Variants in SPAG16 observed in about 807,000 individuals in gnomAD.
SPAG16 encodes the protein sperm associated antigen 16, also known as sperm-associated antigen 16 protein.
In SPAG16, 86 loss-of-function variants were observed where a neutral mutation model predicts 80.4. The ratio of observed to expected loss-of-function variants is 1.07; its 90% CI spans 0.90 to 1.28. The LOEUF (loss-of-function observed/expected upper bound fraction) is 1.28, where lower values mean the gene tolerates loss of function less well. Among genes scored for constraint, SPAG16 ranks in the 50% most tolerant of loss-of-function variants. The probability of loss-of-function intolerance (pLI) is 0.00; values close to 1 mark genes in which losing one functional copy is unlikely to be tolerated. For synonymous variants in SPAG16, 294 were observed against 265.9 expected, an observed-to-expected ratio of 1.11 and a Z score of -1.03; for missense variants, 870 against 765.3, an observed-to-expected ratio of 1.14 and a Z score of -1.61.
intron 5 of SPAG16, among the ~76,000 whole-genome samples, chr2:213,335,843 T>G (rs2064330099): frequency 6.6e-6 from 1 of 151,614 alleles, no homozygotes; most frequent in Admixed American, 6.6e-5. Context: ...ACAGTAGAGG[T>G]CATTTTTAAA....
intron 10 of SPAG16, among the ~76,000 whole-genome samples, chr2:213,677,114 A>G (rs2064123625): frequency 6.6e-6 from 1 of 151,858 alleles, no homozygotes; most frequent in Non-Finnish European, 1.5e-5. Context: ...GTCTTGGGAG[A>G]GTGTATGTGT....
At chr2:214,004,601 C>A (rs965490878) in intron 12 of SPAG16, among the ~76,000 whole-genome samples, 26 of 151,978 alleles carry the variant, frequency 1.7e-4, no homozygotes, top group African/African-American at 6.3e-4. Flanking sequence ...GTAGTCGATT[C>A]TTTTGGCAGC....
intron 15 of SPAG16, among the ~76,000 whole-genome samples, chr2:214,384,981 CACCATTGACA>C (rs1186014708): frequency 6.6e-6 from 1 of 152,196 alleles, no homozygotes; most frequent in Admixed American, 6.5e-5. Flanking sequence ...ATTATATTTT[CACCATTGACA>C]ACCAGAGACA....
intron 5 of SPAG16, among the ~76,000 whole-genome samples, chr2:213,326,810 A>G (rs1320403817): frequency 6.6e-6 from 1 of 152,028 alleles, no homozygotes; most frequent in Non-Finnish European, 1.5e-5. Context: ...TTATTAAATG[A>G]TCATTCAAAA....
At chr2:213,503,053 T>G (rs1446047494) in intron 10 of SPAG16, among the ~76,000 whole-genome samples, 1 of 152,214 alleles carries the variant, frequency 6.6e-6, no homozygotes, top group Non-Finnish European at 1.5e-5. Flanking sequence ...ACATTTACCC[T>G]TGATTCCCAT....
In SPAG16 at chr2:214,104,821, C is replaced by A. The variant is rs989653227; in HGVS notation, c.1528-3375C>A. Among the ~76,000 whole-genome samples the A allele has an allele frequency of 2.6e-5, 4 of 151,900 alleles. No homozygotes were observed. In the East Asian group the frequency reaches 7.7e-4, roughly 29 times the overall value. ...AGTTTAATGTTTACAGAGGTATGGG[C>A]GGCATTAAGGGAGCTAGCACAGCAG... On this transcript the variant is annotated intron_variant, in intron 13 of 15. Transcript: ENST00000331683.
At chr2:213,300,117 A>G (rs1260361499) in intron 3 of SPAG16, among the ~76,000 whole-genome samples, 2 of 152,124 alleles carry the variant, frequency 1.3e-5, no homozygotes, top group African/African-American at 2.4e-5. Flanking sequence ...TACTGCTGTA[A>G]TTACGTAATG....
chr2:213,985,373 G>T (rs2045952448), intron 12 of SPAG16, among the ~76,000 whole-genome samples: 1 of 151,994 alleles, frequency 6.6e-6, no homozygotes, highest in Admixed American at 6.6e-5. Flanking sequence ...TATTTTTGAT[G>T]ATACTGAGGA....
intron 12 of SPAG16, among the ~76,000 whole-genome samples, chr2:213,955,902 TA>T (rs1276066541): frequency 6.6e-6 from 1 of 152,018 alleles, no homozygotes; most frequent in Non-Finnish European, 1.5e-5. Flanking sequence ...TTCATCTAGA[TA>T]AAAGTTTGTC....
chr2:214,104,552 T>A (rs1423361498), intron 13 of SPAG16, among the ~76,000 whole-genome samples: 1 of 151,940 alleles, frequency 6.6e-6, no homozygotes, highest in East Asian at 1.9e-4. Context: ...AGACTTGTAG[T>A]AGATAAGGGT....
chr2:214,280,736 T>A lies in SPAG16; in HGVS notation c.1721-129404T>A, dbSNP rs1350196259. On this transcript the variant is annotated intron_variant, in intron 15 of 15. Coordinates refer to ENST00000331683, the MANE Select transcript of SPAG16 (RefSeq NM_024532.5). Reference sequence around the variant, plus strand: ...AGGGACATTTTGGGATGGTTCTATCTCTTTTAACTTATTTCCTGGGCGTCT... The same window carrying A: ...AGGGACATTTTGGGATGGTTCTATCACTTTTAACTTATTTCCTGGGCGTCT... 7.4e-6 allele frequency: 3 copies of A among 404,678 alleles called. No individual in the cohort carries two copies. In the East Asian group the frequency reaches 1.9e-4, roughly 26 times the overall value. 25.1% of individuals were successfully genotyped at this position (404,678 alleles called of 1,614,324 possible). A position where few individuals can be genotyped will look rare whatever the true frequency, so the allele number is the denominator to read the frequency against.
chr2:213,813,812 C>T (rs1267104932), intron 10 of SPAG16, among the ~76,000 whole-genome samples: 1 of 152,144 alleles, frequency 6.6e-6, no homozygotes, highest in Non-Finnish European at 1.5e-5. Flanking sequence ...AACTCTCTCC[C>T]CACCATGGCA....
chr2:214,104,627 G>C (rs868715579), intron 13 of SPAG16, among the ~76,000 whole-genome samples: 1 of 152,112 alleles, frequency 6.6e-6, no homozygotes, highest in Non-Finnish European at 1.5e-5. Flanking sequence ...GCCTTGGTTT[G>C]TTTGTTTGAG....
intron 10 of SPAG16, among the ~76,000 whole-genome samples, chr2:213,679,948 G>A (rs953975746): frequency 2.0e-5 from 3 of 152,000 alleles, no homozygotes; most frequent in Non-Finnish European, 4.4e-5. Context: ...GGATTATGGG[G>A]ATAGACTAAT....
At chr2:213,902,492 A>G (rs1438160716) in intron 11 of SPAG16, among the ~76,000 whole-genome samples, 2 of 152,194 alleles carry the variant, frequency 1.3e-5, no homozygotes, top group African/African-American at 4.8e-5. Context: ...TAAAACCATC[A>G]GATCTCATGA....
chr2:214,187,489 TCCCTTTTATC>T (rs1264121977), intron 15 of SPAG16, among the ~76,000 whole-genome samples: 1 of 152,172 alleles, frequency 6.6e-6, no homozygotes, highest in African/African-American at 2.4e-5. Flanking sequence ...AAAAGAATTG[TCCCTTTTATC>T]AGAAAGCAAG....
At chr2:214,016,529 G>GC (rs1329961598) in intron 13 of SPAG16, among the ~76,000 whole-genome samples, 1 of 152,156 alleles carries the variant, frequency 6.6e-6, no homozygotes, top group Non-Finnish European at 1.5e-5. Context: ...AACATGTAGG[G>GC]ACTACACTTT....
At chr2:214,047,177 A>T (rs183797186) in intron 13 of SPAG16, among the ~76,000 whole-genome samples, 17 of 152,312 alleles carry the variant, frequency 1.1e-4, no homozygotes, top group Non-Finnish European at 2.1e-4. Flanking sequence ...AGAAATAGAA[A>T]AAACAGTCCT....
chr2:213,887,682 T>G (rs922264117), intron 11 of SPAG16, among the ~76,000 whole-genome samples: 1 of 151,480 alleles, frequency 6.6e-6, no homozygotes, highest in East Asian at 1.9e-4. Flanking sequence ...ATATAGAGTA[T>G]GACTAATTTT....
Sources: gnomAD v4.1 joint callset for allele counts (sites outside exome capture counted in the v4.1 genomes callset) on GRCh38, gnomAD v4.1.1 for gene constraint, MANE v1.5 for transcripts, NCBI Gene and HGNC (gene_info 2026-07-23, HGNC 2026-07-21) for gene names.